Variants in BCAS3 observed in about 807,000 individuals in gnomAD.
BCAS3 encodes BCAS4/BCAS3 fusion.
A neutral mutation model predicts 116.1 loss-of-function variants in BCAS3; 53 were observed. The ratio of observed to expected loss-of-function variants is 0.46; its 90% CI spans 0.37 to 0.57. The LOEUF is 0.57. BCAS3 is among the 20% of genes least tolerant of loss of function. BCAS3 has a pLI of 0.00. For missense variants in BCAS3, 917 were observed against 1,165.4 expected (o/e 0.79, Z 3.10); for synonymous variants, 391 against 408.2 (o/e 0.96, Z 0.51).
intron 22 of BCAS3, among the ~76,000 whole-genome samples, chr17:61,238,021 G>A (rs533517983): frequency 1.3e-5 from 2 of 152,140 alleles, no homozygotes; most frequent in Non-Finnish European, 2.9e-5. Context: ...TTAAATATAC[G>A]GGTTATAACT....
At chr17:60,738,131 C>T (rs1348105861) in intron 5 of BCAS3, among the ~76,000 whole-genome samples, 2 of 152,182 alleles carry the variant, frequency 1.3e-5, no homozygotes. Flanking sequence ...CAGAAGATGC[C>T]CTATCTTAGT....
intron 22 of BCAS3, among the ~76,000 whole-genome samples, chr17:61,360,405 T>C (rs544451147): frequency 2.8e-4 from 43 of 152,344 alleles, no homozygotes; most frequent in African/African-American, 9.9e-4. Context: ...GGTTTATTAT[T>C]TTCCTAGGCT....
rs1280544089 is a variant in BCAS3, at chr17:61,082,800, G to A, written c.2328-1667G>A. On this transcript the variant is annotated intron_variant, in intron 21 of 23. Coordinates refer to ENST00000407086, the MANE Select transcript of BCAS3 (RefSeq NM_017679.5). This position sits in a 1 kb window ranked among gnomAD's most constrained non-coding sequence, Gnocchi z 5.1. ...TTGGCTTAGAAAAATTAGCTGGGGT[G>A]GAATGAATATTGGGTAGTCCTACAT... 6.6e-6 allele frequency among the ~76,000 whole-genome samples: 1 copy of A among 152,130 alleles called. No homozygotes were observed. Among genetic ancestry groups the A allele is most frequent in the Non-Finnish European group, 1.5e-5 (1 of 68,020 alleles).
intron 5 of BCAS3, among the ~76,000 whole-genome samples, chr17:60,718,827 C>T (rs781104948): frequency 2.0e-5 from 3 of 151,992 alleles, no homozygotes; most frequent in African/African-American, 2.4e-5. Flanking sequence ...TTTGGGAGGC[C>T]GAGGTGGGCA....
In BCAS3 at chr17:60,990,154, C is replaced by A; in HGVS notation, c.1405C>A (p.Gln469Lys). ...QKSAGLEEIE[Q>K]ELTSKQGGRC... ...AAGTGCTGGACTGGAAGAGATTGAA[C>A]AAGAACTGACGTCTAAGCAAGGAGG... is the stretch of plus-strand genomic sequence containing the variant. Residue 469 changes from glutamine to lysine, a missense_variant, in exon 15 of 24, where the codon CAA becomes AAA. Physicochemically the swap from Gln to Lys is moderately conservative, Grantham distance 53. Transcript: ENST00000407086. This position sits in a 1 kb window ranked among gnomAD's most constrained non-coding sequence, Gnocchi z 5.1. 1 of 1,614,184 alleles carries A rather than the reference C, an allele frequency of 6.2e-7. No individual in the cohort carries two copies. Among genetic ancestry groups the A allele is most frequent in the African/African-American group, 1.3e-5 (1 of 75,050 alleles).
rs1471893935 is a variant in BCAS3 at position 61,188,920 on chromosome 17, T to A, written c.2425+104356T>A. Among the ~76,000 whole-genome samples, 1 of 151,940 alleles carries A rather than the reference T, an allele frequency of 6.6e-6. No individual in the cohort carries two copies. The highest frequency in any genetic ancestry group is 1.5e-5 in the Non-Finnish European group (1 of 67,990). On this transcript the variant is annotated intron_variant, in intron 22 of 23. Coordinates refer to ENST00000407086, the MANE Select transcript of BCAS3 (RefSeq NM_017679.5). This position sits in a 1 kb window ranked among gnomAD's most constrained non-coding sequence, Gnocchi z 4.0. ...GAGGTTGAGACCAGTCTGAGCAACA[T>A]AGTGAGACCTCATCTCTATAAAACA...
At chr17:60,909,075 A>T (rs1309069689) in intron 11 of BCAS3, among the ~76,000 whole-genome samples, 1 of 152,160 alleles carries the variant, frequency 6.6e-6, no homozygotes, top group East Asian at 1.9e-4. Flanking sequence ...TTTCTCTTTC[A>T]TAAAATTGAA....
At position 60,814,849 on chromosome 17, in the gene BCAS3, A is replaced by G. The variant is rs369839471; in HGVS notation, c.476+6773A>G. Among the ~76,000 whole-genome samples, 3 of 152,314 alleles carry G rather than the reference A, an allele frequency of 2.0e-5. No homozygotes were observed. The South Asian group carries it at 6.2e-4, about 32-fold the overall frequency. On this transcript the variant is annotated intron_variant, in intron 7 of 23. Transcript: ENST00000407086. ...ACATGGCTATTAGAAAATTGTGGTC[A>G]CTAATTTCAGGAACACTATTATTTA...
At chr17:60,772,252 C>T (rs561370229) in intron 6 of BCAS3, among the ~76,000 whole-genome samples, 1 of 152,052 alleles carries the variant, frequency 6.6e-6, no homozygotes, top group South Asian at 2.1e-4. Flanking sequence ...GCCATTCTAA[C>T]TGGTGTGAGA....
intron 14 of BCAS3, among the ~76,000 whole-genome samples, chr17:60,969,004 G>GA (rs1161865912): frequency 4.0e-5 from 6 of 148,502 alleles, no homozygotes; most frequent in African/African-American, 1.5e-4. Context: ...GTTGGGGGGG[G>GA]AGATTTTCTG....
intron 14 of BCAS3, among the ~76,000 whole-genome samples, chr17:60,988,338 C>CTT (rs71148317): frequency 0.017 from 1,105 of 66,768 alleles, 38 homozygotes; most frequent in East Asian, 0.034. Context: ...TTTTCTTTTT[C>CTT]TTTTTTTTTT....
chr17:60,870,721 G>T (rs1202084036), intron 8 of BCAS3, among the ~76,000 whole-genome samples: 2 of 152,230 alleles, frequency 1.3e-5, no homozygotes, highest in East Asian at 3.9e-4. Context: ...AACCTCTATA[G>T]ACATGTGACT....
At chr17:60,852,321 G>A (rs367829032) in intron 7 of BCAS3, among the ~76,000 whole-genome samples, 10 of 152,176 alleles carry the variant, frequency 6.6e-5, no homozygotes, top group East Asian at 1.9e-4. Context: ...CTGTAACATC[G>A]TTGGTTGTGG....
At chr17:61,246,827 G>GTGTA (rs1555793411) in intron 22 of BCAS3, among the ~76,000 whole-genome samples, 12 of 149,912 alleles carry the variant, frequency 8.0e-5, no homozygotes, top group African/African-American at 2.7e-4. Flanking sequence ...GTGTGTGTGT[G>GTGTA]TGTATGTGTG....
chr17:60,732,487 C>T (rs1346663279), intron 5 of BCAS3, among the ~76,000 whole-genome samples: 2 of 152,110 alleles, frequency 1.3e-5, no homozygotes, highest in Non-Finnish European at 2.9e-5. Flanking sequence ...TGCTGCTTAC[C>T]ACCTTGGTAG....
intron 12 of BCAS3, among the ~76,000 whole-genome samples, chr17:60,911,918 CTTA>C (rs1200417767): frequency 2.0e-5 from 3 of 152,140 alleles, no homozygotes; most frequent in Non-Finnish European, 2.9e-5. Context: ...ATGGCAGTAG[CTTA>C]TTATAAAATC....
intron 9 of BCAS3, among the ~76,000 whole-genome samples, chr17:60,878,996 G>A (rs2055872614): frequency 6.6e-6 from 1 of 152,068 alleles, no homozygotes; most frequent in Non-Finnish European, 1.5e-5. Flanking sequence ...CCTTTATACA[G>A]ACTGAAACTT....
rs1251853648 is a variant in BCAS3, at chr17:61,346,135, A to G, written c.2426-22192A>G. The stretch of plus-strand genomic sequence containing the variant: ...GGTGCCATAATCCTTGTTGAAGTCG[A>G]GGAGTTGACTTAGAAGGCCTGCAGA... On this transcript the variant is annotated intron_variant, in intron 22 of 23. Transcript: ENST00000407086. This position sits in a 1 kb window ranked among gnomAD's most constrained non-coding sequence, Gnocchi z 5.4. Among the ~76,000 whole-genome samples, 1 of 152,192 alleles carries G rather than the reference A, an allele frequency of 6.6e-6. No individual in the cohort carries two copies. The highest frequency in any genetic ancestry group is 1.5e-5 in the Non-Finnish European group (1 of 68,032).
At chr17:60,939,097 G>A (rs2060094263) in intron 13 of BCAS3, among the ~76,000 whole-genome samples, 1 of 152,160 alleles carries the variant, frequency 6.6e-6, no homozygotes, top group Non-Finnish European at 1.5e-5. Context: ...ATGGAGACTA[G>A]TATTTGAATG....
Sources: allele counts gnomAD v4.1 joint callset (sites outside exome capture counted in the v4.1 genomes callset), GRCh38; gene constraint gnomAD v4.1.1; non-coding constraint Gnocchi (gnomAD v3.1); transcripts MANE v1.5; gene names NCBI Gene and HGNC (gene_info 2026-07-23, HGNC 2026-07-21).